The following SON variants were observed in gnomAD, a reference collection of about 807,000 sequenced individuals.
SON encodes the protein SON DNA and RNA binding protein, also known as protein SON.
SON carries 4 observed loss-of-function variants against 173.3 expected under a neutral mutation model. The observed-to-expected ratio is 0.02, with a 90% confidence interval of 0.01 to 0.05. The LOEUF (loss-of-function observed/expected upper bound fraction) is 0.05. Among genes scored for constraint, SON ranks in the 10% least tolerant of loss-of-function variants. The probability of loss-of-function intolerance (pLI) is 1.00; values close to 1 mark genes in which losing one functional copy is unlikely to be tolerated. For synonymous variants in SON, 1,190 were observed against 1,105.9 expected (o/e 1.08, Z -1.51); for missense variants, 2,626 against 3,055.3 (o/e 0.86, Z 3.31).
rs1391989204 is a variant in SON, at chr21:33,562,862, A to G, written c.6657+3087A>G. Among the ~76,000 whole-genome samples, 3 of 152,202 alleles carry G rather than the reference A, an allele frequency of 2.0e-5. No homozygotes were observed. In the East Asian group the frequency reaches 5.8e-4, roughly 29 times the overall value. On this transcript the variant is annotated intron_variant, in intron 6 of 11. Coordinates refer to ENST00000356577, the MANE Select transcript of SON (RefSeq NM_138927.4). ...ATGTAATCTTTGACATAAGTGGAGT[A>G]GTAACTACTCAACTATTAGTGTGGA...
Position 33,552,919 on chromosome 21 carries a change from T to C in SON, c.3688T>C (p.Tyr1230His). ...ISEPSAVPTD[Y>H]SVSASDPSVL... The stretch of plus-strand genomic sequence containing the variant: ...GGAGCCTTCAGCAGTGCCTACTGAT[T>C]ATTCAGTGTCAGCATCAGATCCCTC... Residue 1230 changes from tyrosine (Y) to histidine (H), a missense_variant, in exon 3 of 12, where the codon TAT (tyrosine) becomes CAT (histidine). By Grantham distance (83) the Tyr-to-His change is moderately conservative. Coordinates refer to ENST00000356577, the MANE Select transcript of SON (RefSeq NM_138927.4). The surrounding 1 kb of genome is among the most constrained non-coding windows in gnomAD (Gnocchi z 5.6). The C allele has an allele frequency of 6.2e-7, 1 of 1,614,160 alleles. No homozygotes were observed. The highest frequency in any genetic ancestry group is 1.3e-5 in the African/African-American group (1 of 75,036).
chr21:33,551,274 G>T lies in SON; in HGVS notation c.2043G>T (p.Leu681=), dbSNP rs2085776126. ...QSLEVPSTTA[L]ESYNTVAQEL... is the part of the protein sequence containing the mutation. ...TGGAGGTGCCCTCGACGACAGCGCT[G>T]GAATCCTATAATACGGTAGCACAGG... Residue 681 remains leucine (L), a synonymous_variant, in exon 3 of 12, where the codon CTG becomes CTT. Transcript: ENST00000356577. 6.2e-7 allele frequency: 1 copy of T among 1,614,130 alleles called. No homozygotes were observed. Among genetic ancestry groups the T allele is most frequent in the Non-Finnish European group, 8.5e-7 (1 of 1,179,992 alleles).
Position 33,554,038 on chromosome 21 carries a change from CCTGATGCAACAGGAA to C in SON, c.4810_4824del (p.Asp1604_Thr1608del). The C allele has an allele frequency of 6.2e-7, 1 of 1,614,070 alleles. No individual in the cohort carries two copies. The highest frequency in any genetic ancestry group is 8.5e-7 in the Non-Finnish European group (1 of 1,180,000). On this transcript the variant is annotated inframe_deletion, in exon 3 of 12. Coordinates refer to ENST00000356577, the MANE Select transcript of SON (RefSeq NM_138927.4). ...TTCTACTGGTCCTTTTGCTCTGGAA[CCTGATGCAACAGGAA>C]CTAGTAAGGGTATTGAATTTACCAC...
intron 6 of SON, among the ~76,000 whole-genome samples, chr21:33,562,930 G>A (rs2086094982): frequency 1.3e-5 from 2 of 152,156 alleles, no homozygotes; most frequent in Non-Finnish European, 1.5e-5. Context: ...TAGGGGTCCA[G>A]AGGTAGTATT....
In SON at chr21:33,553,475, C is replaced by G. The variant is rs201445156; in HGVS notation, c.4244C>G (p.Pro1415Arg). The change falls in exon 3 of 12, where the codon CCT becomes CGT. Residue 1415 changes from proline to arginine, a missense_variant. Pro to Arg is a moderately radical substitution (Grantham distance 103). Transcript: ENST00000356577. ...GTGCCAGTTGTTTCTGCGCTGGAGC[C>G]TTCTGTGCCTGTTCTGGAACCAGCG... ...IPVPVVSALE[P>R]SVPVLEPAVS... is the part of the protein sequence containing the mutation. 6.2e-7 allele frequency: 1 copy of G among 1,614,248 alleles called. No individual in the cohort carries two copies.
At position 33,553,053 on chromosome 21, in the gene SON, AGTT is replaced by A; in HGVS notation, c.3826_3828del (p.Val1276del). The A allele has an allele frequency of 1.2e-6, 2 of 1,614,190 alleles. No homozygotes were observed. Among genetic ancestry groups the A allele is most frequent in the Non-Finnish European group, 1.7e-6 (2 of 1,180,036 alleles). On this transcript the variant is annotated inframe_deletion, in exon 3 of 12. Transcript: ENST00000356577. ...CTGCAGTAGTAGCAGAAGAACATGA[AGTT>A]GTTCCAGAGAGACCAGTGACTTGTA...
In SON at chr21:33,554,518, C is replaced by G; in HGVS notation, c.5287C>G (p.Arg1763Gly). Residue 1763 changes from arginine to glycine, a missense_variant, in exon 3 of 12, where the codon CGT becomes GGT. This residue lies in a region of SON where 1,006 missense variants were observed against 895.6 expected (regional missense o/e 1.12). Transcript: ENST00000356577. ...ACCTTTACTTGCAAGTGATGTTGGA[C>G]GTGACAGATCTGCTGCCAGCCCGGT... ...EGPLLASDVG[R>G]DRSAASPVVS... 1 of 1,614,066 alleles carries G rather than the reference C, an allele frequency of 6.2e-7. No homozygotes were observed. The highest frequency in any genetic ancestry group is 1.3e-5 in the African/African-American group (1 of 75,028).
At position 33,546,272 on chromosome 21, in the gene SON, C is replaced by T. The variant is rs760780913; in HGVS notation, c.137C>T (p.Ala46Val). The change falls in exon 2 of 12, where the codon GCG becomes GTG. Residue 46 changes from alanine (A) to valine (V), a missense_variant. Ala to Val is a moderately conservative substitution (Grantham distance 64, BLOSUM62 0). Coordinates refer to ENST00000356577, the MANE Select transcript of SON (RefSeq NM_138927.4). ...AATACACCCATTGAAGGAAACCAGG[C>T]GGGTGATGCAGCTGCCTCTGCCAGG... ...ETNTPIEGNQ[A>V]GDAAASARSL... is the part of the protein sequence containing the mutation. 1.9e-5 allele frequency: 31 copies of T among 1,613,380 alleles called. No individual in the cohort carries two copies. Among genetic ancestry groups the T allele is most frequent in the African/African-American group, 2.7e-5 (2 of 74,846 alleles).
chr21:33,554,586 G>A lies in SON; in HGVS notation c.5355G>A (p.Glu1785=). The change falls in exon 3 of 12, where the codon GAG becomes GAA. Residue 1785 remains glutamate, a synonymous_variant. Transcript: ENST00000356577. ...MPERASESSS[E]EKDDYEIFVK... is the part of the protein sequence containing the mutation. ...AAAGAGCTTCAGAGTCTTCTTCAGA[G>A]GAAAAAGATGATTATGAAATTTTTG... is the stretch of plus-strand genomic sequence containing the variant. 1.2e-6 allele frequency: 2 copies of A among 1,613,774 alleles called. No homozygotes were observed. The highest frequency in any genetic ancestry group is 1.7e-6 in the Non-Finnish European group (2 of 1,179,976).
intron 2 of SON, among the ~76,000 whole-genome samples, chr21:33,548,677 GTGA>G (rs1318600685): frequency 6.6e-6 from 1 of 152,202 alleles, no homozygotes; most frequent in Admixed American, 6.5e-5. Flanking sequence ...AACCTAGTAA[GTGA>G]TGAACTGATT....
chr21:33,549,081 G>GT (rs759188167), intron 2 of SON, among the ~76,000 whole-genome samples: 15,273 of 141,148 alleles, frequency 0.11, 868 homozygotes, highest in Non-Finnish European at 0.13. Flanking sequence ...ATACTGTGGG[G>GT]TTTTTTTTTT....
In SON at chr21:33,549,496, A is replaced by G; in HGVS notation, c.265A>G (p.Lys89Glu). Residue 89 changes from lysine to glutamate, a missense_variant, in exon 3 of 12, where the codon AAA becomes GAA. By Grantham distance (56) the Lys-to-Glu change is moderately conservative. Coordinates refer to ENST00000356577, the MANE Select transcript of SON (RefSeq NM_138927.4). ...YKPDLKEGSR[K>E]SRCVSVQTDP... ...TTTAGACTTGAAAGAGGGCTCCAGA[A>G]AAAGTAGATGCGTATCTGTACAAAC... 2 of 1,537,380 alleles carry G rather than the reference A, an allele frequency of 1.3e-6. No homozygotes were observed. Among genetic ancestry groups the G allele is most frequent in the Non-Finnish European group, 1.7e-6 (2 of 1,149,524 alleles).
chr21:33,571,375 T>C (rs2145878874), intron 8 of SON, among the ~76,000 whole-genome samples: 1 of 152,316 alleles, frequency 6.6e-6, no homozygotes, highest in South Asian at 2.1e-4. Context: ...CAAACGATCA[T>C]TTTGGCTCTT....
In SON at chr21:33,551,502, G is replaced by C; in HGVS notation, c.2271G>C (p.Ala757=). 6.2e-7 allele frequency: 1 copy of C among 1,609,264 alleles called. No individual in the cohort carries two copies. Among genetic ancestry groups the C allele is most frequent in the Non-Finnish European group, 8.5e-7 (1 of 1,178,598 alleles). ...ASNTMDSQML[A]SSTMDSQMLA... ...ACACCATGGACTCCCAGATGTTAGC[G>C]TCTAGCACCATGGACTCCCAGATGT... The change falls in exon 3 of 12, where the codon GCG becomes GCC. Residue 757 remains alanine (A), a synonymous_variant. Coordinates refer to ENST00000356577, the MANE Select transcript of SON (RefSeq NM_138927.4).
At chr21:33,547,519 T>C (rs1020667448) in intron 2 of SON, among the ~76,000 whole-genome samples, 3 of 152,234 alleles carry the variant, frequency 2.0e-5, no homozygotes, top group Non-Finnish European at 4.4e-5. Flanking sequence ...GTCCTCTTTT[T>C]TGGGGGGAAC....
At chr21:33,556,541 C>T (rs2085969453) in intron 3 of SON, among the ~76,000 whole-genome samples, 1 of 151,918 alleles carries the variant, frequency 6.6e-6, no homozygotes, top group Admixed American at 6.6e-5. Context: ...GGAGAAACCC[C>T]ATCTCTACTA....
At position 33,552,810 on chromosome 21, in the gene SON, T is replaced by C. The variant is rs1367361883; in HGVS notation, c.3579T>C (p.Asn1193=). 3 of 1,613,942 alleles carry C rather than the reference T, an allele frequency of 1.9e-6. No individual in the cohort carries two copies. The highest frequency in any genetic ancestry group is 3.3e-5 in the Admixed American group (2 of 60,014). ...PTEQSALTAE[N]TWPTEVPSSP... ...AGCAGTCAGCATTAACAGCTGAAAATACTTGGCCTACAGAGGTGCCATCAT... is the reference window on the plus strand; with the variant it reads ...AGCAGTCAGCATTAACAGCTGAAAACACTTGGCCTACAGAGGTGCCATCAT... Residue 1193 remains asparagine (N), a synonymous_variant, in exon 3 of 12, where the codon AAT becomes AAC. Transcript: ENST00000356577. The surrounding 1 kb of genome is among the most constrained non-coding windows in gnomAD (Gnocchi z 5.6).
At position 33,554,142 on chromosome 21, in the gene SON, T is replaced by C. The variant is rs750430616; in HGVS notation, c.4911T>C (p.Thr1637=). 1.6e-5 allele frequency: 26 copies of C among 1,613,994 alleles called. No individual in the cohort carries two copies. The Admixed American group carries it at 1.8e-4, about 11-fold the overall frequency. Residue 1637 remains threonine, a synonymous_variant, in exon 3 of 12, where the codon ACT becomes ACC. Coordinates refer to ENST00000356577, the MANE Select transcript of SON (RefSeq NM_138927.4). ...DVDLSLTTQD[T]EHDMVISTSP... is the part of the protein sequence containing the mutation. ...ATTTATCTTTAACTACTCAAGATAC[T>C]GAACATGACATGGTAATTTCCACCA...
In SON at chr21:33,555,397, T is replaced by C. The variant is rs758922625; in HGVS notation, c.6160+6T>C. 1.6e-4 allele frequency: 242 copies of C among 1,507,206 alleles called. No individual in the cohort carries two copies. Among genetic ancestry groups the C allele is most frequent in the Non-Finnish European group, 2.0e-4 (225 of 1,123,156 alleles). 93.4% of individuals were successfully genotyped at this position (1,507,206 alleles called of 1,614,324 possible). On this transcript the variant is annotated splice_donor_region_variant and intron_variant, in intron 3 of 11. Transcript: ENST00000356577. The stretch of plus-strand genomic sequence containing the variant: ...CAAACGTCTGACAGATTTGGGTGAG[T>C]CATTTTAAAGTTTAATGGGATGGTA...
Sources: gnomAD v4.1 joint callset for allele counts (sites outside exome capture counted in the v4.1 genomes callset) on GRCh38, gnomAD v4.1.1 for gene constraint, gnomAD v4.1.1 regional missense constraint, Gnocchi (gnomAD v3.1) non-coding constraint, MANE v1.5 for transcripts, NCBI Gene and HGNC (gene_info 2026-07-23, HGNC 2026-07-21) for gene names.